Variants in AGBL1 observed in about 807,000 individuals in gnomAD.
AGBL1 encodes the protein AGBL carboxypeptidase 1.
AGBL1 carries 130 observed loss-of-function variants against 118.9 expected under a neutral mutation model. That is an observed-to-expected ratio of 1.09 (90% CI 0.95 to 1.26). The LOEUF (loss-of-function observed/expected upper bound fraction) is 1.26. Among genes scored for constraint, AGBL1 ranks in the 50% most tolerant of loss-of-function variants. The pLI is 0.00. For missense variants in AGBL1, 1,584 were observed against 1,298.1 expected (o/e 1.22, Z -3.38); for synonymous variants, 555 against 478.9 (o/e 1.16, Z -2.08).
At chr15:86,134,604 CTTTTTTTTTTTT>C (rs141645590) in intron 1 of AGBL1, among the ~76,000 whole-genome samples, 2 of 84,614 alleles carry the variant, frequency 2.4e-5, no homozygotes, top group East Asian at 5.3e-4. Flanking sequence ...TCAATGGTGC[CTTTTTTTTTTTT>C]TTTTTTTTTT....
intron 23 of AGBL1, among the ~76,000 whole-genome samples, chr15:86,930,011 A>G (rs190546810): frequency 1.0e-3 from 152 of 152,300 alleles, no homozygotes; most frequent in African/African-American, 3.4e-3. Flanking sequence ...TAAATTGTCT[A>G]TCATGCATTC....
intron 18 of AGBL1, 128 bp from the exon 19 acceptor site, chr15:86,522,682 G>A: frequency 1.7e-6 from 2 of 1,191,268 alleles, no homozygotes; most frequent in Non-Finnish European, 2.3e-6. Context: ...TGAAATTGAT[G>A]CCAATTGGGA....
intron 21 of AGBL1, among the ~76,000 whole-genome samples, chr15:86,656,013 G>A (rs1384013526): frequency 2.0e-5 from 3 of 152,164 alleles, no homozygotes; most frequent in Non-Finnish European, 4.4e-5. Flanking sequence ...CCATTGAGAT[G>A]CTATCAATTA....
At chr15:86,852,812 T>C (rs952432727) in intron 22 of AGBL1, among the ~76,000 whole-genome samples, 1 of 152,206 alleles carries the variant, frequency 6.6e-6, no homozygotes, top group South Asian at 2.1e-4. Context: ...GCATCTTGCC[T>C]ATTGCAAAGG....
intron 17 of AGBL1, among the ~76,000 whole-genome samples, chr15:86,395,422 C>A (rs1596062299): frequency 6.6e-6 from 1 of 152,062 alleles, no homozygotes; most frequent in Admixed American, 6.6e-5. Flanking sequence ...AATGGCCTTA[C>A]CTCTCTCAGT....
rs1336376504 is a variant in AGBL1, at chr15:86,224,902, C to G, written c.489-12C>G. 6.2e-7 allele frequency: 1 copy of G among 1,613,062 alleles called. No homozygotes were observed. The highest frequency in any genetic ancestry group is 1.7e-5 in the Admixed American group (1 of 59,926). Reference sequence around the variant, plus strand: ...TGAATGTTGACTGTTACTTTTCTTTCTCTTTCCCCAGGGCAGCCACTGAAG... The same window carrying G: ...TGAATGTTGACTGTTACTTTTCTTTGTCTTTCCCCAGGGCAGCCACTGAAG... On this transcript the variant is annotated splice_polypyrimidine_tract_variant and intron_variant, in intron 5 of 22. Coordinates refer to ENST00000614907, the MANE Select transcript of AGBL1 (RefSeq NM_001386094.1).
intron 17 of AGBL1, among the ~76,000 whole-genome samples, chr15:86,396,646 C>T (rs779371280): frequency 2.0e-5 from 3 of 152,270 alleles, no homozygotes; most frequent in East Asian, 1.9e-4. Flanking sequence ...GAGGGACCAT[C>T]CCACCCACAG....
intron 17 of AGBL1, among the ~76,000 whole-genome samples, chr15:86,392,004 T>G (rs1286658687): frequency 6.6e-6 from 1 of 152,204 alleles, no homozygotes; most frequent in African/African-American, 2.4e-5. Context: ...GGTGCCTTAG[T>G]ATTTGAAAAT....
chr15:86,237,705 G>T (rs1408644111), intron 6 of AGBL1, among the ~76,000 whole-genome samples: 2 of 152,118 alleles, frequency 1.3e-5, no homozygotes, highest in East Asian at 3.8e-4. Context: ...CAAATTTCTA[G>T]GCCTATTTCT....
At position 86,965,437 on chromosome 15, in the gene AGBL1, G is replaced by C. The variant is rs562257838; in HGVS notation, c.3222-22550G>C. ...GTTGGCCGCATAAATGTCTTCTTTTGAGAAGTTATCTGTTCATATCCTTTG... is the reference window on the plus strand; with the variant it reads ...GTTGGCCGCATAAATGTCTTCTTTTCAGAAGTTATCTGTTCATATCCTTTG... On this transcript the variant is annotated intron_variant, in intron 23 of 24. Transcript: ENST00000441037. Among the ~76,000 whole-genome samples, 16 of 152,050 alleles carry C rather than the reference G, an allele frequency of 1.1e-4. No homozygotes were observed. In the South Asian group the frequency reaches 3.3e-3, roughly 32 times the overall value.
At chr15:86,875,830 A>T (rs1433699787) in intron 22 of AGBL1, among the ~76,000 whole-genome samples, 1 of 152,204 alleles carries the variant, frequency 6.6e-6, no homozygotes, top group Non-Finnish European at 1.5e-5. Context: ...GATAGAGATC[A>T]ATGAAAGCTA....
intron 5 of AGBL1, among the ~76,000 whole-genome samples, chr15:86,223,180 G>C (rs1291965115): frequency 1.3e-5 from 2 of 152,030 alleles, no homozygotes; most frequent in African/African-American, 2.4e-5. Flanking sequence ...CCACTAGTCT[G>C]TCTCATAAAA....
intron 21 of AGBL1, among the ~76,000 whole-genome samples, chr15:86,633,723 A>G (rs1596323594): frequency 1.3e-5 from 2 of 150,192 alleles, no homozygotes; most frequent in Non-Finnish European, 3.0e-5. Flanking sequence ...TTCATACTAT[A>G]TGCTATCTTT....
chr15:86,450,462 T>C (rs1834792407), intron 18 of AGBL1, among the ~76,000 whole-genome samples: 1 of 152,226 alleles, frequency 6.6e-6, no homozygotes, highest in Non-Finnish European at 1.5e-5. Flanking sequence ...GATTTGTTGG[T>C]TGACTGTTTG....
chr15:86,953,225 A>G (rs1395716541), intron 23 of AGBL1, among the ~76,000 whole-genome samples: 1 of 152,124 alleles, frequency 6.6e-6, no homozygotes, highest in Non-Finnish European at 1.5e-5. Context: ...TGTGATAGGA[A>G]CAGTGTTAAA....
At chr15:86,925,990 A>G (rs2080534690) in intron 23 of AGBL1, among the ~76,000 whole-genome samples, 1 of 151,946 alleles carries the variant, frequency 6.6e-6, no homozygotes, top group African/African-American at 2.4e-5. Flanking sequence ...TCAGCCTCCC[A>G]AAGTGCTGGG....
chr15:86,152,090 T>C (rs1447282163), intron 3 of AGBL1, among the ~76,000 whole-genome samples: 1 of 152,194 alleles, frequency 6.6e-6, no homozygotes, highest in East Asian at 1.9e-4. Context: ...ATGGCCATAC[T>C]GCCCGAAGTA....
intron 1 of AGBL1, among the ~76,000 whole-genome samples, chr15:86,113,287 CTTTTTT>C (rs548790563): frequency 0.14 from 13,306 of 95,758 alleles, 731 homozygotes; most frequent in Middle Eastern, 0.22. Flanking sequence ...TTCTTTCTTT[CTTTTTT>C]TTTTTTTTTT....
At chr15:86,269,894 C>T (rs1306054959) in intron 13 of AGBL1, 25 bp from the exon 14 acceptor site, 1 of 1,610,844 alleles carries the variant, frequency 6.2e-7, no homozygotes, top group Non-Finnish European at 8.5e-7. Context: ...CCAGATAACC[C>T]TCCAGTCTTG....
Sources: allele counts gnomAD v4.1 joint callset (sites outside exome capture counted in the v4.1 genomes callset), GRCh38; gene constraint gnomAD v4.1.1; transcripts MANE v1.5; gene names NCBI Gene and HGNC (gene_info 2026-07-23, HGNC 2026-07-21).